Variants in PPIH observed in about 807,000 individuals in gnomAD.
PPIH encodes peptidylprolyl isomerase H, also known as peptidyl-prolyl cis-trans isomerase H.
A neutral mutation model predicts 27.6 loss-of-function variants in PPIH; 16 were observed. That is an observed-to-expected ratio of 0.58 (90% CI 0.39 to 0.88). The LOEUF (loss-of-function observed/expected upper bound fraction) is 0.88. Among genes scored for constraint, PPIH ranks in the 40% least tolerant of loss-of-function variants. The probability of loss-of-function intolerance (pLI) is 0.00; values close to 1 mark genes in which losing one functional copy is unlikely to be tolerated. For missense variants in PPIH, 155 were observed against 224.1 expected (o/e 0.69, Z 1.97); for synonymous variants, 63 against 76.1 (o/e 0.83, Z 0.90).
intron 6 of PPIH, among the ~76,000 whole-genome samples, chr1:42,665,299 G>A (rs948010498): frequency 6.6e-6 from 1 of 152,090 alleles, no homozygotes; most frequent in Non-Finnish European, 1.5e-5. Context: ...CATCTACTCG[G>A]GAGGCTGAGG....
Position 42,663,428 on chromosome 1 carries a change from G to A in PPIH, c.244-1435G>A, listed in dbSNP as rs897571304. Among the ~76,000 whole-genome samples, 14 of 151,500 alleles carry A rather than the reference G, an allele frequency of 9.2e-5. No individual in the cohort carries two copies. The South Asian group carries it at 1.5e-3, about 16-fold the overall frequency. ...CTTTTTTTTTTTTAGATGGAGTCTC[G>A]CTCTGTCGCCCAGGCTGGGGTGCAG... is the stretch of plus-strand genomic sequence containing the variant. On this transcript the variant is annotated intron_variant, in intron 5 of 9. Transcript: ENST00000304979.
At chr1:42,667,152 A>G (rs112796973) in intron 8 of PPIH, among the ~76,000 whole-genome samples, 199 bp from the exon 9 acceptor site, 14 of 152,320 alleles carry the variant, frequency 9.2e-5, no homozygotes, top group African/African-American at 2.2e-4. Context: ...TTTTTCTTAT[A>G]TAATCATAAG....
downstream of PPIH, among the ~76,000 whole-genome samples, chr1:42,679,933 C>A (rs886098265): frequency 2.0e-5 from 3 of 152,186 alleles, no homozygotes; most frequent in African/African-American, 7.2e-5. Flanking sequence ...GCTGCCAGTA[C>A]CTTTTTCAAT....
Position 42,665,965 on chromosome 1 carries a change from T to A in PPIH, c.337-15T>A, listed in dbSNP as rs769780368. 6.2e-7 allele frequency: 1 copy of A among 1,611,088 alleles called. No individual in the cohort carries two copies. Among genetic ancestry groups the A allele is most frequent in the South Asian group, 1.1e-5 (1 of 91,012 alleles). ...GCCGGGGAAACTTACTGCAGGTATA[T>A]TTGGTTTCCATCAGGCGAACAGTGG... On this transcript the variant is annotated splice_polypyrimidine_tract_variant and intron_variant, in intron 6 of 9. Transcript: ENST00000304979.
At chr1:42,666,208 G>C in intron 7 of PPIH, 141 bp downstream of exon 7, 1 of 794,436 alleles carries the variant, frequency 1.3e-6, no homozygotes, top group Non-Finnish European at 2.1e-6. Context: ...GAAATGGTGG[G>C]GAGGTGGGGA....
At chr1:42,659,013 T>A in intron 2 of PPIH, 105 bp downstream of exon 2, 1 of 1,381,176 alleles carries the variant, frequency 7.2e-7, no homozygotes, top group Non-Finnish European at 1.0e-6. Flanking sequence ...TCACTGCTCT[T>A]GAGACCTGAT....
downstream of PPIH, among the ~76,000 whole-genome samples, chr1:42,678,377 G>A (rs1649948401): frequency 6.6e-6 from 1 of 152,176 alleles, no homozygotes. Context: ...GAGCCCGTGT[G>A]AGGGCAGGGC....
chr1:42,679,709 G>T (rs1484933206), downstream of PPIH, among the ~76,000 whole-genome samples: 1 of 152,236 alleles, frequency 6.6e-6, no homozygotes, highest in Non-Finnish European at 1.5e-5. Context: ...AAGTGTCTTT[G>T]TAACTGGAGA....
At chr1:42,665,026 T>C in intron 6 of PPIH, 71 bp downstream of exon 6, 2 of 1,285,492 alleles carry the variant, frequency 1.6e-6, no homozygotes, top group East Asian at 4.7e-5. Context: ...GGCCCAGTGC[T>C]GTCTCTTGGG....
chr1:42,665,945 G>C (rs371701651), intron 6 of PPIH, 35 bp from the exon 7 acceptor site: 1 of 1,573,278 alleles, frequency 6.4e-7, no homozygotes, highest in Non-Finnish European at 8.7e-7. Context: ...ACATGGCCGG[G>C]GAAACTTACT....
At chr1:42,659,664 T>C in intron 4 of PPIH, 98 bp downstream of exon 4, 7 of 1,502,952 alleles carry the variant, frequency 4.7e-6, no homozygotes, top group Non-Finnish European at 6.2e-6. Context: ...AATTCTTACA[T>C]TTCTTGAGAA....
At chr1:42,676,325 G>C (rs1283297768) in intron 9 of PPIH, among the ~76,000 whole-genome samples, 1 of 152,112 alleles carries the variant, frequency 6.6e-6, no homozygotes, top group African/African-American at 2.4e-5. Context: ...AAAATTGGCT[G>C]GGTGTGGTGG....
At chr1:42,673,971 G>A (rs905148692) in intron 9 of PPIH, among the ~76,000 whole-genome samples, 5 of 152,246 alleles carry the variant, frequency 3.3e-5, no homozygotes, top group African/African-American at 1.2e-4. Context: ...TCCCGTAGGG[G>A]AAGATTAGGA....
At chr1:42,664,504 G>A (rs899283564) in intron 5 of PPIH, among the ~76,000 whole-genome samples, 8 of 152,146 alleles carry the variant, frequency 5.3e-5, no homozygotes, top group African/African-American at 1.4e-4. Context: ...CACTTAAGTG[G>A]GTACTTTTAT....
chr1:42,663,356 G>T (rs1557512572), intron 5 of PPIH, among the ~76,000 whole-genome samples: 1 of 151,996 alleles, frequency 6.6e-6, no homozygotes, highest in South Asian at 2.1e-4. Context: ...CAGATTGGAA[G>T]TGACTTTCCC....
At chr1:42,658,781 C>T (rs1335047510) in intron 1 of PPIH, 63 bp from the exon 2 acceptor site, 1 of 1,575,360 alleles carries the variant, frequency 6.3e-7, no homozygotes, top group African/African-American at 1.3e-5. Flanking sequence ...CATCATGCCC[C>T]CTGCTCCGTG....
intron 7 of PPIH, 95 bp downstream of exon 7, chr1:42,666,162 A>C: frequency 8.6e-7 from 1 of 1,161,068 alleles, no homozygotes; most frequent in South Asian, 1.2e-5. Flanking sequence ...AGAAAGCTCA[A>C]CCTGTGTAAC....
chr1:42,659,285 C>T, intron 3 of PPIH, 34 bp downstream of exon 3: 1 of 1,614,208 alleles, frequency 6.2e-7, no homozygotes, highest in South Asian at 1.1e-5. Context: ...TCTTTGCCTG[C>T]TCCAGAGGGG....
At chr1:42,662,989 C>G (rs547581608) in intron 5 of PPIH, among the ~76,000 whole-genome samples, 82 of 152,220 alleles carry the variant, frequency 5.4e-4, no homozygotes, top group African/African-American at 1.9e-3. Flanking sequence ...GTTATTTGAT[C>G]AATTCACTAT....
Sources: allele counts gnomAD v4.1 joint callset (sites outside exome capture counted in the v4.1 genomes callset), GRCh38; gene constraint gnomAD v4.1.1; transcripts MANE v1.5; gene names NCBI Gene and HGNC (gene_info 2026-07-23, HGNC 2026-07-21).